The following SCARB1 variants were observed in gnomAD, a reference collection of about 807,000 sequenced individuals.
The protein encoded by SCARB1 is scavenger receptor class B member 1, also known as CD36 and LIMPII analogous 1.
In SCARB1, 30 loss-of-function variants were observed where a neutral mutation model predicts 57.2. That is an observed-to-expected ratio of 0.52 (90% CI 0.39 to 0.71). The LOEUF (loss-of-function observed/expected upper bound fraction) is 0.71. SCARB1 is among the 30% of genes least tolerant of loss of function. The pLI is 0.00. For missense variants in SCARB1, 543 were observed against 671.2 expected (o/e 0.81, Z 2.11); for synonymous variants, 249 against 268.3 (o/e 0.93, Z 0.70).
chr12:124,798,845 A>AG lies in SCARB1; in HGVS notation c.1128+1278dup, dbSNP rs1249801570. On this transcript the variant is annotated intron_variant, in intron 8 of 12. Coordinates refer to ENST00000261693, the MANE Select transcript of SCARB1 (RefSeq NM_005505.5). ...GGTAACCAGAGTGAAACTCCATCTC[A>AG]GAAAAAAAAAAGAAAAAAAGTTGAA... Among the ~76,000 whole-genome samples, 129 of 145,900 alleles carry AG rather than the reference A, an allele frequency of 8.8e-4. 1 individual carries two copies. The highest frequency in any genetic ancestry group is 3.1e-3 in the African/African-American group (120 of 39,292).
chr12:124,833,315 A>T (rs1198780090), intron 1 of SCARB1, among the ~76,000 whole-genome samples: 3 of 151,254 alleles, frequency 2.0e-5, no homozygotes, highest in Non-Finnish European at 4.4e-5. Context: ...TCAGCCTCCC[A>T]CATAACTGGG....
intron 1 of SCARB1, among the ~76,000 whole-genome samples, chr12:124,831,534 GC>G (rs897782891): frequency 5.9e-5 from 9 of 152,166 alleles, no homozygotes; most frequent in Non-Finnish European, 1.2e-4. Context: ...GGGTCCCAGT[GC>G]CCCGTCAAAT....
In SCARB1 at chr12:124,812,319, G is replaced by A. The variant is rs1026229710; in HGVS notation, c.631-354C>T. On this transcript the variant is annotated intron_variant, in intron 4 of 12. Coordinates refer to ENST00000261693, the MANE Select transcript of SCARB1 (RefSeq NM_005505.5). This position sits in a 1 kb window ranked among gnomAD's most constrained non-coding sequence, Gnocchi z 4.3. The stretch of plus-strand genomic sequence containing the variant: ...AGCAATGAAAAAGGAGAAGTGGCAT[G>A]TCACTTGGGGGGATGCTTTAAGGAC... Among the ~76,000 whole-genome samples, 7 of 152,202 alleles carry A rather than the reference G, an allele frequency of 4.6e-5. No individual in the cohort carries two copies. The highest frequency in any genetic ancestry group is 1.4e-4 in the African/African-American group (6 of 41,446).
chr12:124,861,634 C>T (rs964871230), intron 1 of SCARB1, among the ~76,000 whole-genome samples: 2 of 152,232 alleles, frequency 1.3e-5, no homozygotes, highest in Admixed American at 1.3e-4. Flanking sequence ...AGGCACTTGG[C>T]CGCTGCTCCA....
rs565186072 is a variant in SCARB1, at chr12:124,814,658, C to T, written c.427-253G>A. On this transcript the variant is annotated intron_variant, in intron 3 of 12. Transcript: ENST00000261693. The surrounding 1 kb of genome is among the most constrained non-coding windows in gnomAD (Gnocchi z 4.7). ...GGACTCAGGCTAAGTGAACTCCAGC[C>T]CCAGTCCCAGAGGCGGGCCTGTGGC... is the stretch of plus-strand genomic sequence containing the variant. Among the ~76,000 whole-genome samples, 4 of 152,326 alleles carry T rather than the reference C, an allele frequency of 2.6e-5. No individual in the cohort carries two copies. Among genetic ancestry groups the T allele is most frequent in the African/African-American group, 4.8e-5 (2 of 41,570 alleles).
At chr12:124,811,131 T>C (rs4765613) in intron 5 of SCARB1, among the ~76,000 whole-genome samples, 137,237 of 152,140 alleles carry the variant, frequency 0.9, 62,976 homozygotes, top group Non-Finnish European at 1. Context: ...TGCGTACATA[T>C]AGGTGTGCAC....
At chr12:124,792,707 G>A (rs1162606421) in intron 9 of SCARB1, among the ~76,000 whole-genome samples, 1 of 129,058 alleles carries the variant, frequency 7.7e-6, no homozygotes, top group Non-Finnish European at 1.6e-5. Context: ...GGGTGACACG[G>A]CAAGACTTCG....
chr12:124,778,544 G>A lies in SCARB1; in HGVS notation c.*43C>T, dbSNP rs1594158443. 7.2e-7 allele frequency: 1 copy of A among 1,381,436 alleles called. No homozygotes were observed. The highest frequency in any genetic ancestry group is 9.4e-7 in the Non-Finnish European group (1 of 1,066,480). The allele number at this position is 1,381,436 out of a possible 1,614,324, so 85.6% of individuals were successfully genotyped here. On this transcript the variant is annotated 3_prime_UTR_variant, in exon 13 of 13. Transcript: ENST00000261693. The stretch of plus-strand genomic sequence containing the variant: ...GTGTAGGGGCTGGGGGGCCGGTCAG[G>A]CCCAGCGGCCAGGCCTGGCTGGCTC...
Position 124,800,218 on chromosome 12 carries a change from G to A in SCARB1, c.1034C>T (p.Pro345Leu). 1 of 1,613,862 alleles carries A rather than the reference G, an allele frequency of 6.2e-7. No homozygotes were observed. The highest frequency in any genetic ancestry group is 8.5e-7 in the Non-Finnish European group (1 of 1,179,776). Residue 345 changes from proline (P) to leucine (L), a missense_variant, in exon 8 of 13, where the codon CCT becomes CTT. By Grantham distance (98) the Pro-to-Leu change is moderately conservative. Coordinates refer to ENST00000261693, the MANE Select transcript of SCARB1 (RefSeq NM_005505.5). This position sits in a 1 kb window ranked among gnomAD's most constrained non-coding sequence, Gnocchi z 4.8. Reference protein sequence around the residue: ...RFSAPLFLSHPHFLNADPVLA... With the variant: ...RFSAPLFLSHLHFLNADPVLA... Reference sequence around the variant, plus strand: ...AACCGGGTCAGCGTTGAGGAAGTGAGGATGGGAGAGAAACAAGGGGGCACC... The same window carrying A: ...AACCGGGTCAGCGTTGAGGAAGTGAAGATGGGAGAGAAACAAGGGGGCACC...
At position 124,782,757 on chromosome 12, in the gene SCARB1, C is replaced by G. The variant is rs1222253378; in HGVS notation, c.1456G>C (p.Ala486Pro). The G allele has an allele frequency of 9.3e-6, 15 of 1,613,480 alleles. No individual in the cohort carries two copies. Among genetic ancestry groups the G allele is most frequent in the Non-Finnish European group, 1.3e-5 (15 of 1,179,510 alleles). ...AGGGATTCAGAATAGGCCTGAATGGCCTCCTTATCCTTTGAGCCCTTTTTA... is the reference window on the plus strand; with the variant it reads ...AGGGATTCAGAATAGGCCTGAATGGGCTCCTTATCCTTTGAGCCCTTTTTA... ...SSKKGSKDKE[A>P]IQAYSESLMT... Residue 486 changes from alanine to proline, a missense_variant, in exon 12 of 13, where the codon GCC (alanine) becomes CCC (proline). By Grantham distance (27) the Ala-to-Pro change is conservative (BLOSUM62 -1). Coordinates refer to ENST00000261693, the MANE Select transcript of SCARB1 (RefSeq NM_005505.5).
Position 124,778,452 on chromosome 12 carries a change from TG to T in SCARB1, c.*134del, listed in dbSNP as rs746694646. 9 of 1,325,674 alleles carry T rather than the reference TG, an allele frequency of 6.8e-6. No homozygotes were observed. Among genetic ancestry groups the T allele is most frequent in the Non-Finnish European group, 8.7e-6 (9 of 1,035,644 alleles). 82.1% of individuals were successfully genotyped at this position (1,325,674 alleles called of 1,614,324 possible). Reference sequence around the variant, plus strand: ...TGTGTGCAGGTGTGCAACAGGCACATGGCAGCTGGGAGGCTCAGGCTGTGGG... The same window carrying T: ...TGTGTGCAGGTGTGCAACAGGCACATGCAGCTGGGAGGCTCAGGCTGTGGG... On this transcript the variant is annotated 3_prime_UTR_variant, in exon 13 of 13. Coordinates refer to ENST00000261693, the MANE Select transcript of SCARB1 (RefSeq NM_005505.5).
At chr12:124,808,028 G>A (rs1950382719) in intron 6 of SCARB1, 101 bp from the exon 7 acceptor site, 4 of 1,199,288 alleles carry the variant, frequency 3.3e-6, no homozygotes, top group Non-Finnish European at 4.9e-6. Context: ...CCCCACGGGC[G>A]CTACCACCTC....
intron 2 of SCARB1, among the ~76,000 whole-genome samples, chr12:124,816,486 C>CGGAATGCA: frequency 6.6e-6 from 1 of 152,204 alleles, no homozygotes; most frequent in Non-Finnish European, 1.5e-5. Context: ...AATGAGTGAA[C>CGGAATGCA]GGAATGCAGC....
intron 8 of SCARB1, among the ~76,000 whole-genome samples, chr12:124,798,590 C>A (rs766918109): frequency 6.6e-6 from 1 of 152,186 alleles, no homozygotes; most frequent in Non-Finnish European, 1.5e-5. Flanking sequence ...CGCCTATAAT[C>A]CCAGCAACCT....
At chr12:124,838,607 G>A (rs1481455047) in intron 1 of SCARB1, among the ~76,000 whole-genome samples, 2 of 152,052 alleles carry the variant, frequency 1.3e-5, no homozygotes, top group Non-Finnish European at 2.9e-5. Context: ...GGCTCAGCAT[G>A]TTGGAATTTG....
At position 124,817,766 on chromosome 12, in the gene SCARB1, C is replaced by A. The variant is rs1950801290; in HGVS notation, c.127-59G>T. The stretch of plus-strand genomic sequence containing the variant: ...GAGTGATGAGGGCCCCACGCCCCAC[C>A]ACAAGGCTCCGGAACAGCTGCCCGA... On this transcript the variant is annotated intron_variant, in intron 1 of 12. Transcript: ENST00000261693. The surrounding 1 kb of genome is among the most constrained non-coding windows in gnomAD (Gnocchi z 4.8). 6.3e-7 allele frequency: 1 copy of A among 1,591,754 alleles called. No homozygotes were observed. Among genetic ancestry groups the A allele is most frequent in the Admixed American group, 1.7e-5 (1 of 59,990 alleles).
Position 124,800,284 on chromosome 12 carries a change from T to C in SCARB1, c.1010-42A>G. 2 of 1,473,168 alleles carry C rather than the reference T, an allele frequency of 1.4e-6. No individual in the cohort carries two copies. Among genetic ancestry groups the C allele is most frequent in the Non-Finnish European group, 9.5e-7 (1 of 1,054,624 alleles). 91.3% of individuals were successfully genotyped at this position (1,473,168 alleles called of 1,614,324 possible). On this transcript the variant is annotated intron_variant, in intron 7 of 12. Coordinates refer to ENST00000261693, the MANE Select transcript of SCARB1 (RefSeq NM_005505.5). The surrounding 1 kb of genome is among the most constrained non-coding windows in gnomAD (Gnocchi z 4.8). ...GAGGGGACATCAGACAAGGACAGTA[T>C]ATTGGCAGGTCCTGCCAGGCCGGAG... is the stretch of plus-strand genomic sequence containing the variant.
rs201219690 is a variant in SCARB1 at position 124,814,443 on chromosome 12, G to C, written c.427-38C>G. The C allele has an allele frequency of 4.4e-6, 7 of 1,598,754 alleles. No individual in the cohort carries two copies. Among genetic ancestry groups the C allele is most frequent in the Non-Finnish European group, 6.0e-6 (7 of 1,167,846 alleles). On this transcript the variant is annotated intron_variant, in intron 3 of 12. Transcript: ENST00000261693. This position sits in a 1 kb window ranked among gnomAD's most constrained non-coding sequence, Gnocchi z 4.7. ...GGGACACTAGTGTCAGAGGCTGGAC[G>C]TGGCTGGCCCATCCTCCCTTGGCCC...
chr12:124,792,595 G>A (rs1162508594), intron 9 of SCARB1, among the ~76,000 whole-genome samples: 1 of 151,662 alleles, frequency 6.6e-6, no homozygotes, highest in African/African-American at 2.4e-5. Flanking sequence ...ACTAGCGAGC[G>A]CCTGTAATCC....
Sources: gnomAD v4.1 joint callset for allele counts (sites outside exome capture counted in the v4.1 genomes callset) on GRCh38, gnomAD v4.1.1 for gene constraint, Gnocchi (gnomAD v3.1) non-coding constraint, MANE v1.5 for transcripts, NCBI Gene and HGNC (gene_info 2026-07-23, HGNC 2026-07-21) for gene names.